The following EPPK1 variants were observed in gnomAD, a reference collection of about 807,000 sequenced individuals.
EPPK1 encodes epiplakin 1, also known as epiplakin.
For missense variants in EPPK1, 3,823 were observed against 3,673.3 expected, an observed-to-expected ratio of 1.04 and a Z score of -1.05; for synonymous variants, 1,862 against 1,721.2, an observed-to-expected ratio of 1.08 and a Z score of -2.03.
Position 143,873,311 on chromosome 8 carries a change from G to C in EPPK1, c.-45-13C>G, listed in dbSNP as rs1819419007. ...GTCCACCTCTGTCCTGCAGGGGACA[G>C]AAAGGCTCAATCAGGGACCCCGCAT... is the stretch of plus-strand genomic sequence containing the variant. On this transcript the variant is annotated splice_polypyrimidine_tract_variant and intron_variant, in intron 1 of 1. Transcript: ENST00000615648. 4.2e-6 allele frequency: 6 copies of C among 1,444,512 alleles called. No homozygotes were observed. Among genetic ancestry groups the C allele is most frequent in the Non-Finnish European group, 5.4e-6 (6 of 1,102,814 alleles). The allele number at this position is 1,444,512 out of a possible 1,614,324, so 89.5% of individuals were successfully genotyped here. A position where few individuals can be genotyped will look rare whatever the true frequency, so the allele number is the denominator to read the frequency against.
intron 1 of EPPK1, among the ~76,000 whole-genome samples, chr8:143,876,679 G>A (rs770111830): frequency 4.9e-4 from 74 of 152,216 alleles, no homozygotes; most frequent in Non-Finnish European, 7.1e-4. Context: ...TCTCCAGCAC[G>A]CCTCGTTCCA....
chr8:143,874,853 G>C (rs552907554), intron 1 of EPPK1, among the ~76,000 whole-genome samples: 2 of 152,092 alleles, frequency 1.3e-5, no homozygotes, highest in Non-Finnish European at 1.5e-5. Context: ...CTCAGGAGAA[G>C]GGTCGGATCC....
Position 143,869,285 on chromosome 8 carries a change from C to T in EPPK1, c.3969G>A (p.Ala1323=), listed in dbSNP as rs371329954. 557 of 1,605,156 alleles carry T rather than the reference C, an allele frequency of 3.5e-4. 5 individuals carry two copies. In the African/African-American group the frequency reaches 6.2e-3, roughly 18 times the overall value. The change falls in exon 2 of 2, where the codon GCG becomes GCA. Residue 1323 remains alanine, a synonymous_variant. Coordinates refer to ENST00000615648, the MANE Select transcript of EPPK1 (RefSeq NM_031308.4). ...AGTAGGGATCTGGGTACCCGGCCGC[C>T]GCCCTCTCGGCCTGCCCGAGCTGCT... ...LSEQLGQAER[A]AAGYPDPYSR...
Position 143,871,619 on chromosome 8 carries a change from C to A in EPPK1, c.1635G>T (p.Leu545=). Residue 545 remains leucine (L), a synonymous_variant, in exon 2 of 2, where the codon CTG becomes CTT. Transcript: ENST00000615648. ...CTGCAGCCTGCTCGAGGGTGGCGCTCAGCTTAGCGGCCAGCTTCTCCACGG... is the reference window on the plus strand; with the variant it reads ...CTGCAGCCTGCTCGAGGGTGGCGCTAAGCTTAGCGGCCAGCTTCTCCACGG... ...TLSVEKLAAK[L]SATLEQAAAT... is the part of the protein sequence containing the mutation. 1 of 1,606,932 alleles carries A rather than the reference C, an allele frequency of 6.2e-7. No individual in the cohort carries two copies. The highest frequency in any genetic ancestry group is 1.7e-5 in the Admixed American group (1 of 59,376).
At position 143,866,643 on chromosome 8, in the gene EPPK1, C is replaced by A. The variant is rs566710281; in HGVS notation, c.6611G>T (p.Arg2204Leu). The stretch of plus-strand genomic sequence containing the variant: ...CTCCATGAGCTCTTGCGTCGTGCTC[C>A]GTCCCGTTTCCAGGTCCTGGAGCAT... ...EEMLQDLETG[R>L]STTQELMEDD... Residue 2204 changes from arginine to leucine, a missense_variant, in exon 2 of 2, where the codon CGG (arginine) becomes CTG (leucine). Physicochemically the swap from Arg to Leu is moderately radical, Grantham distance 102 (BLOSUM62 -2). Coordinates refer to ENST00000615648, the MANE Select transcript of EPPK1 (RefSeq NM_031308.4). 11 of 1,613,028 alleles carry A rather than the reference C, an allele frequency of 6.8e-6. 1 individual carries two copies. The South Asian group carries it at 9.9e-5, about 14-fold the overall frequency.
Position 143,867,683 on chromosome 8 carries a change from T to G in EPPK1, c.5571A>C (p.Ala1857=). Reference sequence around the variant, plus strand: ...CGATGACCCTGGAGTTGAACAGGTCTGCAGCTGTCACCTCCCCTCTGATGG... The same window carrying G: ...CGATGACCCTGGAGTTGAACAGGTCGGCAGCTGTCACCTCCCCTCTGATGG... ...VAAIRGEVTA[A]DLFNSRVIDQ... Residue 1857 remains alanine, a synonymous_variant, in exon 2 of 2, where the codon GCA becomes GCC. Coordinates refer to ENST00000615648, the MANE Select transcript of EPPK1 (RefSeq NM_031308.4). The G allele has an allele frequency of 6.2e-7, 1 of 1,613,580 alleles. No individual in the cohort carries two copies. Among genetic ancestry groups the G allele is most frequent in the African/African-American group, 1.3e-5 (1 of 75,064 alleles).
rs368162575 is a variant in EPPK1 at position 143,871,661 on chromosome 8, G to A, written c.1593C>T (p.Tyr531=). 3.1e-4 allele frequency: 495 copies of A among 1,602,552 alleles called. No individual in the cohort carries two copies. The highest frequency in any genetic ancestry group is 3.9e-4 in the Non-Finnish European group (459 of 1,176,280). Residue 531 remains tyrosine, a synonymous_variant, in exon 2 of 2, where the codon TAC becomes TAT. Transcript: ENST00000615648. The part of the protein sequence containing the change: ...SEQRAMLAQQ[Y]QEGTLSVEKL... ...TCTCCACGGAGAGGGTCCCTTCCTGGTACTGCTGGGCCAGCATCGCCCTCT... is the reference window on the plus strand; with the variant it reads ...TCTCCACGGAGAGGGTCCCTTCCTGATACTGCTGGGCCAGCATCGCCCTCT...
chr8:143,877,224 C>G (rs75141224), intron 1 of EPPK1, among the ~76,000 whole-genome samples: 4,182 of 152,352 alleles, frequency 0.027, 198 homozygotes, highest in African/African-American at 0.095. Flanking sequence ...TGCCCCTTCC[C>G]TGGGCCCTGC....
In EPPK1 at chr8:143,866,871, G is replaced by A. The variant is rs755180904; in HGVS notation, c.6383C>T (p.Ser2128Phe). 6.0e-5 allele frequency: 96 copies of A among 1,613,082 alleles called. No homozygotes were observed. Among genetic ancestry groups the A allele is most frequent in the Non-Finnish European group, 8.0e-5 (94 of 1,179,870 alleles). ...QKPTLWALLN[S>F]EYVTEEKKLQ... ...CTTCTTCTCCTCTGTCACGTATTCG[G>A]AATTCAGTAGTGCCCACAGTGTTGG... The change falls in exon 2 of 2, where the codon TCC becomes TTC. Residue 2128 changes from serine to phenylalanine, a missense_variant. Ser to Phe is a radical substitution (Grantham distance 155). Coordinates refer to ENST00000615648, the MANE Select transcript of EPPK1 (RefSeq NM_031308.4).
rs781870609 is a variant in EPPK1 at position 143,867,715 on chromosome 8, C to T, written c.5539G>A (p.Val1847Met). The change falls in exon 2 of 2, where the codon GTG (valine) becomes ATG (methionine). Residue 1847 changes from valine to methionine, a missense_variant. By Grantham distance (21) the Val-to-Met change is conservative. Transcript: ENST00000615648. ...ETETQNQGIKVAAIRGEVTAA... is the reference protein window; with the variant it reads ...ETETQNQGIKMAAIRGEVTAA... ...GTCACCTCCCCTCTGATGGCCGCCACTTTGATGCCTTGGTTTTGCGTCTCT... is the reference window on the plus strand; with the variant it reads ...GTCACCTCCCCTCTGATGGCCGCCATTTTGATGCCTTGGTTTTGCGTCTCT... 1.2e-6 allele frequency: 2 copies of T among 1,613,764 alleles called. No homozygotes were observed. The highest frequency in any genetic ancestry group is 2.2e-5 in the East Asian group (1 of 44,876).
Position 143,870,522 on chromosome 8 carries a change from A to C in EPPK1, c.2732T>G (p.Ile911Ser), listed in dbSNP as rs782057366. The C allele has an allele frequency of 6.2e-7, 1 of 1,609,376 alleles. No homozygotes were observed. The highest frequency in any genetic ancestry group is 1.1e-5 in the South Asian group (1 of 90,938). Residue 911 changes from isoleucine to serine, a missense_variant, in exon 2 of 2, where the codon ATC (isoleucine) becomes AGC (serine). Coordinates refer to ENST00000615648, the MANE Select transcript of EPPK1 (RefSeq NM_031308.4). This position sits in a 1 kb window ranked among gnomAD's most constrained non-coding sequence, Gnocchi z 5.2. ...CATGAGTAGGAGGGCCTCCGGGCTGATTGTCCCGGCCAGCACTTGGTCCAA... is the reference window on the plus strand; with the variant it reads ...CATGAGTAGGAGGGCCTCCGGGCTGCTTGTCCCGGCCAGCACTTGGTCCAA... ...QLLDQVLAGT[I>S]SPEALLLMDG...
intron 1 of EPPK1, among the ~76,000 whole-genome samples, chr8:143,876,203 G>C (rs1184373477): frequency 6.6e-6 from 1 of 152,172 alleles, no homozygotes. Flanking sequence ...ACAGGGTGCA[G>C]GGACCTGGTG....
Position 143,872,377 on chromosome 8 carries a change from G to C in EPPK1, c.877C>G (p.Leu293Val). 6.2e-7 allele frequency: 1 copy of C among 1,604,466 alleles called. No homozygotes were observed. The highest frequency in any genetic ancestry group is 8.5e-7 in the Non-Finnish European group (1 of 1,179,172). The change falls in exon 2 of 2, where the codon CTG (leucine) becomes GTG (valine). Residue 293 changes from leucine to valine, a missense_variant. Transcript: ENST00000615648. ...GTGSVAGVVL[L>V]PEGHKKSFFQ... ...AAGCTCTTCTTGTGGCCTTCGGGCA[G>C]CAGGACAACCCCGGCCACGCTGCCG...
rs561578846 is a variant in EPPK1 at position 143,857,513 on chromosome 8, G to C, written c.*474C>G. 6.4e-6 allele frequency: 1 copy of C among 156,528 alleles called. No individual in the cohort carries two copies. Among genetic ancestry groups the C allele is most frequent in the African/African-American group, 2.4e-5 (1 of 41,564 alleles). 9.7% of individuals were successfully genotyped at this position (156,528 alleles called of 1,614,324 possible). A position where few individuals can be genotyped will look rare whatever the true frequency, so the allele number is the denominator to read the frequency against. On this transcript the variant is annotated 3_prime_UTR_variant, in exon 2 of 2. Transcript: ENST00000615648. Reference sequence around the variant, plus strand: ...CAGGGAAAGCCCGGGGAGGAGGACCGAAATAGAGCCAGGGCACTAAATAGT... The same window carrying C: ...CAGGGAAAGCCCGGGGAGGAGGACCCAAATAGAGCCAGGGCACTAAATAGT...
In EPPK1 at chr8:143,869,346, G is replaced by T; in HGVS notation, c.3908C>A (p.Ala1303Glu). The T allele has an allele frequency of 6.2e-7, 1 of 1,610,122 alleles. No homozygotes were observed. Among genetic ancestry groups the T allele is most frequent in the South Asian group, 1.1e-5 (1 of 90,828 alleles). ...CCTGCCCACCAGGCCGACCTTAACC[G>T]CGTCCTCCACTGACAGTCTCTGGTT... ...LNNQRLSVED[A>E]VKVGLVGREL... Residue 1303 changes from alanine to glutamate, a missense_variant, in exon 2 of 2, where the codon GCG becomes GAG. Transcript: ENST00000615648.
chr8:143,871,061 G>T lies in EPPK1; in HGVS notation c.2193C>A (p.Asp731Glu), dbSNP rs782397520. Residue 731 changes from aspartate to glutamate, a missense_variant, in exon 2 of 2, where the codon GAC (aspartate) becomes GAA (glutamate). Asp to Glu is a conservative substitution (Grantham distance 45, BLOSUM62 2). Transcript: ENST00000615648. ...EAQIATGGVIDPVHSHRVPVD... is the reference protein window; with the variant it reads ...EAQIATGGVIEPVHSHRVPVD... Reference sequence around the variant, plus strand: ...CGGGCACGCGGTGGCTGTGCACGGGGTCGATGACGCCGCCCGTGGCGATCT... The same window carrying T: ...CGGGCACGCGGTGGCTGTGCACGGGTTCGATGACGCCGCCCGTGGCGATCT... The T allele has an allele frequency of 1.9e-6, 3 of 1,612,952 alleles. No homozygotes were observed.
In EPPK1 at chr8:143,868,864, C is replaced by A; in HGVS notation, c.4390G>T (p.Gly1464Trp). Residue 1464 changes from glycine (G) to tryptophan (W), a missense_variant, in exon 2 of 2, where the codon GGG becomes TGG. Physicochemically the swap from Gly to Trp is radical, Grantham distance 184. Transcript: ENST00000615648. ...KVPVSTGRFK[G>W]CSVSLWDLLL... ...AGGTCCCAGAGTGACACGCTACACC[C>A]CTTAAACCTCCCTGTGCTGACGGGC... 1.2e-6 allele frequency: 2 copies of A among 1,610,000 alleles called. No individual in the cohort carries two copies.
chr8:143,878,374 T>TGCCCGCACCCGCCGCACCC (rs1819524627), intron 1 of EPPK1, 64 bp downstream of exon 1: 2 of 92,270 alleles, frequency 2.2e-5, no homozygotes, highest in Non-Finnish European at 4.3e-5. Flanking sequence ...CCGCCGCACC[T>TGCCCGCACCCGCCGCACCC]GCCCGCACCC....
rs1213813422 is a variant in EPPK1 at position 143,871,235 on chromosome 8, A to G, written c.2019T>C (p.Ile673=). ...GCAGCTTCGCGAACACATCAGGCCCAATGACAGCAGCCCTCAGTGCCTCCT... is the reference window on the plus strand; with the variant it reads ...GCAGCTTCGCGAACACATCAGGCCCGATGACAGCAGCCCTCAGTGCCTCCT... ...SVEEALRAAV[I]GPDVFAKLLS... is the part of the protein sequence containing the mutation. Residue 673 remains isoleucine (I), a synonymous_variant, in exon 2 of 2, where the codon ATT becomes ATC. Coordinates refer to ENST00000615648, the MANE Select transcript of EPPK1 (RefSeq NM_031308.4). 3 of 1,613,010 alleles carry G rather than the reference A, an allele frequency of 1.9e-6. No individual in the cohort carries two copies. Among genetic ancestry groups the G allele is most frequent in the East Asian group, 2.2e-5 (1 of 44,890 alleles).
Sources: allele counts gnomAD v4.1 joint callset (sites outside exome capture counted in the v4.1 genomes callset), GRCh38; gene constraint gnomAD v4.1.1; non-coding constraint Gnocchi (gnomAD v3.1); transcripts MANE v1.5; gene names NCBI Gene and HGNC (gene_info 2026-07-23, HGNC 2026-07-21).